Variants in RBFOX1 observed in about 807,000 individuals in gnomAD.
RBFOX1 encodes RNA binding fox-1 homolog 1, also known as RNA binding protein fox-1 homolog 1.
Under a neutral mutation model 57.7 loss-of-function variants are expected in RBFOX1, and 8 were observed. The observed-to-expected ratio is 0.14, with a 90% CI of 0.08 to 0.25. RBFOX1 has a LOEUF of 0.25. Among genes scored for constraint, RBFOX1 ranks in the 10% least tolerant of loss-of-function variants. The pLI is 1.00. For synonymous variants in RBFOX1, 326 were observed against 222.4 expected, an observed-to-expected ratio of 1.47 and a Z score of -4.15; for missense variants, 611 against 548.5, an observed-to-expected ratio of 1.11 and a Z score of -1.14.
chr16:6,491,594 G>A (rs1249987641), intron 2 of RBFOX1, among the ~76,000 whole-genome samples: 1 of 152,136 alleles, frequency 6.6e-6, no homozygotes, highest in Non-Finnish European at 1.5e-5. Context: ...TATTGATAGT[G>A]TCTATTGAGT....
intron 4 of RBFOX1, among the ~76,000 whole-genome samples, chr16:7,101,892 A>C (rs2062760327): frequency 6.6e-6 from 1 of 152,130 alleles, no homozygotes; most frequent in Admixed American, 6.5e-5. Context: ...AACTGTACCA[A>C]AGCATGGAGA....
chr16:5,248,290 T>G lies in RBFOX1; in HGVS notation c.219+8185T>G, dbSNP rs140033494. The stretch of plus-strand genomic sequence containing the variant: ...TGTTTGCCTCAAAAGCTCTTGCTAA[T>G]AACCAGATGGTGCATTTAATTTCCT... On this transcript the variant is annotated intron_variant, in intron 1 of 2. Transcript: ENST00000585867. Among the ~76,000 whole-genome samples the G allele has an allele frequency of 3.1e-3, 479 of 152,412 alleles. 3 individuals are homozygous for G. Among genetic ancestry groups the G allele is most frequent in the African/African-American group, 1.0e-2 (416 of 41,604 alleles).
chr16:6,335,646 C>T (rs1042224281), intron 2 of RBFOX1, among the ~76,000 whole-genome samples: 1 of 151,098 alleles, frequency 6.6e-6, no homozygotes, highest in Non-Finnish European at 1.5e-5. Flanking sequence ...GGTGTGTTGA[C>T]GCGCGCCTGT....
In RBFOX1 at chr16:7,135,018, A is replaced by G. The variant is rs183260238; in HGVS notation, c.27+82920A>G. On this transcript the variant is annotated intron_variant, in intron 4 of 15. Transcript: ENST00000550418. ...AAGTGGGATTCCACACTGACAATAC[A>G]GAGATATCATTCTGAGAAAAATAAA... 2.9e-3 allele frequency among the ~76,000 whole-genome samples: 448 copies of G among 152,148 alleles called. 8 individuals carry two copies. Among genetic ancestry groups the G allele is most frequent in the African/African-American group, 0.011 (436 of 41,510 alleles).
chr16:6,118,945 G>C (rs1029642072), intron 1 of RBFOX1, among the ~76,000 whole-genome samples: 2 of 151,718 alleles, frequency 1.3e-5, no homozygotes, highest in Non-Finnish European at 2.9e-5. Context: ...TGAATATGGG[G>C]AGGGCACTAA....
rs370244509 is a variant in RBFOX1 at position 6,152,477 on chromosome 16, G to A, written c.-127+132485G>A. Among the ~76,000 whole-genome samples, 24 of 152,278 alleles carry A rather than the reference G, an allele frequency of 1.6e-4. No homozygotes were observed. In the East Asian group the frequency reaches 2.1e-3, roughly 13 times the overall value. On this transcript the variant is annotated intron_variant, in intron 1 of 15. Coordinates refer to ENST00000550418, the MANE Select transcript of RBFOX1 (RefSeq NM_018723.4). ...GCCATAATTCAGAAAGCAGCTTCTG[G>A]CATGAGATGAAAGTCAGATCAGCTC...
chr16:6,825,064 T>G (rs1479619159), intron 3 of RBFOX1, among the ~76,000 whole-genome samples: 1 of 143,884 alleles, frequency 7.0e-6, no homozygotes, highest in Non-Finnish European at 1.5e-5. Flanking sequence ...TGGCATGATC[T>G]TTGCTCACTG....
At chr16:5,783,587 C>T (rs868508534) in intron 3 of RBFOX1, among the ~76,000 whole-genome samples, 5 of 152,202 alleles carry the variant, frequency 3.3e-5, no homozygotes, top group Non-Finnish European at 5.9e-5. Context: ...CATTCATGCT[C>T]ATATTTTAAC....
rs897891616 is a variant in RBFOX1, at chr16:6,910,192, A to T, written c.-15-141865A>T. Among the ~76,000 whole-genome samples, 6 of 152,118 alleles carry T rather than the reference A, an allele frequency of 3.9e-5. No individual in the cohort carries two copies. In the East Asian group the frequency reaches 7.8e-4, roughly 20 times the overall value. On this transcript the variant is annotated intron_variant, in intron 3 of 15. Coordinates refer to ENST00000550418, the MANE Select transcript of RBFOX1 (RefSeq NM_018723.4). ...GTAGAAAAAGCAGACTCAAGCAGAA[A>T]ATGGGAAAAGAGAAATCCTAAGAGG... is the stretch of plus-strand genomic sequence containing the variant.
At chr16:5,390,776 G>C (rs1430723966) in intron 1 of RBFOX1, among the ~76,000 whole-genome samples, 1 of 152,130 alleles carries the variant, frequency 6.6e-6, no homozygotes, top group Non-Finnish European at 1.5e-5. Context: ...TCCAGAATGG[G>C]CCTGTGGCTC....
chr16:6,074,073 C>T (rs1009711518), intron 1 of RBFOX1, among the ~76,000 whole-genome samples: 25 of 152,190 alleles, frequency 1.6e-4, no homozygotes, highest in Non-Finnish European at 3.1e-4. Context: ...CTCAGCCTCC[C>T]GAGTAGCTGG....
intron 2 of RBFOX1, among the ~76,000 whole-genome samples, chr16:5,479,606 A>C (rs1168494981): frequency 6.7e-6 from 1 of 149,162 alleles, no homozygotes; most frequent in Non-Finnish European, 1.5e-5. Context: ...TAAAAATACA[A>C]AAATTAGCTG....
chr16:7,117,276 T>C (rs2066124307), intron 4 of RBFOX1, among the ~76,000 whole-genome samples: 1 of 152,166 alleles, frequency 6.6e-6, no homozygotes, highest in Non-Finnish European at 1.5e-5. Context: ...ACGAACAGCC[T>C]AGCTTATAAA....
chr16:6,240,123 C>A (rs2097532574), intron 1 of RBFOX1, among the ~76,000 whole-genome samples: 1 of 152,176 alleles, frequency 6.6e-6, no homozygotes, highest in Admixed American at 6.5e-5. Context: ...ATGCCATGTC[C>A]TGCTTCACCT....
At chr16:7,139,196 G>GTGTGTGTGTGTT (rs764013202) in intron 4 of RBFOX1, among the ~76,000 whole-genome samples, 1 of 149,480 alleles carries the variant, frequency 6.7e-6, no homozygotes, top group African/African-American at 2.5e-5. Context: ...GTGTGTGTGT[G>GTGTGTGTGTGTT]TATGTGTGTG....
At chr16:5,698,691 C>T (rs2050926504) in intron 3 of RBFOX1, among the ~76,000 whole-genome samples, 1 of 152,128 alleles carries the variant, frequency 6.6e-6, no homozygotes, top group African/African-American at 2.4e-5. Flanking sequence ...AAGTTGGAAG[C>T]AACCCAAATG....
chr16:7,065,667 A>G (rs1440156383), intron 4 of RBFOX1, among the ~76,000 whole-genome samples: 1 of 152,188 alleles, frequency 6.6e-6, no homozygotes, highest in Non-Finnish European at 1.5e-5. Context: ...AAGAATACTT[A>G]AAATTTACGC....
chr16:6,725,042 C>G (rs1037998169), intron 3 of RBFOX1, among the ~76,000 whole-genome samples: 3 of 49,816 alleles, frequency 6.0e-5, no homozygotes, highest in Non-Finnish European at 1.4e-4. Context: ...TTTTGGCTAG[C>G]TTTTTTTTTT....
intron 4 of RBFOX1, among the ~76,000 whole-genome samples, chr16:7,079,999 T>C (rs1014174040): frequency 3.4e-5 from 5 of 147,398 alleles, no homozygotes; most frequent in Admixed American, 1.4e-4. Context: ...AAATTCATTG[T>C]GTATATATAT....
Sources: allele counts gnomAD v4.1 joint callset (sites outside exome capture counted in the v4.1 genomes callset), GRCh38; gene constraint gnomAD v4.1.1; transcripts MANE v1.5; gene names NCBI Gene and HGNC (gene_info 2026-07-23, HGNC 2026-07-21).